The following SLC13A1 variants were observed in gnomAD, a reference collection of about 807,000 sequenced individuals.
SLC13A1 encodes the protein Na(+)/sulfate cotransporter.
SLC13A1 carries 65 observed loss-of-function variants against 70.0 expected under a neutral mutation model. The observed-to-expected ratio is 0.93, with a 90% CI of 0.76 to 1.14. The LOEUF is 1.14. Ranked by LOEUF, SLC13A1 falls within the 50% of genes most tolerant of loss-of-function variation. SLC13A1 has a pLI of 0.00. For synonymous variants in SLC13A1, 275 were observed against 250.5 expected (o/e 1.10, Z -0.92); for missense variants, 726 against 717.8 (o/e 1.01, Z -0.13).
chr7:123,125,650 T>C lies in SLC13A1; in HGVS notation c.1159A>G (p.Thr387Ala). 1.2e-6 allele frequency: 2 copies of C among 1,612,982 alleles called. No homozygotes were observed. Among genetic ancestry groups the C allele is most frequent in the Middle Eastern group, 1.7e-4 (1 of 6,052 alleles). Residue 387 changes from threonine (T) to alanine (A), a missense_variant, in exon 11 of 15, where the codon ACT becomes GCT. Thr to Ala is a moderately conservative substitution (Grantham distance 58, BLOSUM62 0). Coordinates refer to ENST00000194130, the MANE Select transcript of SLC13A1 (RefSeq NM_022444.4). ...SEYPGFATDSTVALLIGLLFF... is the reference protein window; with the variant it reads ...SEYPGFATDSAVALLIGLLFF... ...AGCAGCCCTATAAGTAAAGCAACAG[T>C]TGAATCTGTAGCAAAACCAGGGTAC...
rs79320447 is a variant in SLC13A1, at chr7:123,183,689, C to T, written c.100-2588G>A. 8.4e-3 allele frequency among the ~76,000 whole-genome samples: 1,273 copies of T among 152,260 alleles called. 19 individuals carry two copies. The highest frequency in any genetic ancestry group is 0.028 in the African/African-American group (1,182 of 41,550). On this transcript the variant is annotated intron_variant, in intron 1 of 14. Coordinates refer to ENST00000194130, the MANE Select transcript of SLC13A1 (RefSeq NM_022444.4). The stretch of plus-strand genomic sequence containing the variant: ...GACATCAAGCCCTTCCCCAGACACA[C>T]TGAATCAATCAGCATTTTCAGGCTC...
At chr7:123,132,307 G>A (rs1793790895) in intron 8 of SLC13A1, among the ~76,000 whole-genome samples, 1 of 152,128 alleles carries the variant, frequency 6.6e-6, no homozygotes, top group African/African-American at 2.4e-5. Flanking sequence ...GTCAGTCCTC[G>A]TATTACTAGG....
At position 123,129,367 on chromosome 7, in the gene SLC13A1, TG is replaced by T. The variant is rs1793677615; in HGVS notation, c.1031+15del. 1 of 1,200,842 alleles carries T rather than the reference TG, an allele frequency of 8.3e-7. No individual in the cohort carries two copies. Among genetic ancestry groups the T allele is most frequent in the Non-Finnish European group, 1.2e-6 (1 of 843,866 alleles). The allele number at this position is 1,200,842 out of a possible 1,614,324, so 74.4% of individuals were successfully genotyped here. A position where few individuals can be genotyped will look rare whatever the true frequency, so the allele number is the denominator to read the frequency against. On this transcript the variant is annotated intron_variant, in intron 9 of 14. Coordinates refer to ENST00000194130, the MANE Select transcript of SLC13A1 (RefSeq NM_022444.4). ...GTGTGTGTGTGTGTGTGTGTGTGTG[TG>T]TGTGTTTGTCTTACCTTATTGGCCC...
intron 6 of SLC13A1, among the ~76,000 whole-genome samples, chr7:123,153,052 TAAAA>T (rs1175359740): frequency 6.6e-6 from 1 of 152,022 alleles, no homozygotes; most frequent in African/African-American, 2.4e-5. Context: ...TTTGCCACCT[TAAAA>T]CTTTCAAAAA....
At chr7:123,154,526 G>A (rs549551816) in intron 6 of SLC13A1, among the ~76,000 whole-genome samples, 1 of 152,068 alleles carries the variant, frequency 6.6e-6, no homozygotes, top group African/African-American at 2.4e-5. Context: ...TCCAATTATG[G>A]CTCTGTCATA....
intron 2 of SLC13A1, among the ~76,000 whole-genome samples, chr7:123,174,645 G>A (rs573370750): frequency 6.6e-6 from 1 of 152,080 alleles, no homozygotes; most frequent in Non-Finnish European, 1.5e-5. Flanking sequence ...GTGTAAATCT[G>A]ATCACATAAT....
intron 3 of SLC13A1, 53 bp from the exon 4 acceptor site, chr7:123,169,388 C>T (rs564553411): frequency 1.0e-5 from 15 of 1,489,196 alleles, no homozygotes; most frequent in East Asian, 6.8e-5. Context: ...TAACTAGCAC[C>T]GTATTATTTA....
At chr7:123,135,036 C>T (rs1305224654) in intron 7 of SLC13A1, among the ~76,000 whole-genome samples, 5 of 152,190 alleles carry the variant, frequency 3.3e-5, no homozygotes, top group Admixed American at 3.3e-4. Context: ...GGTCATCTCC[C>T]ATGGCTGTTT....
At chr7:123,143,866 G>A (rs1794248340) in intron 7 of SLC13A1, among the ~76,000 whole-genome samples, 1 of 152,116 alleles carries the variant, frequency 6.6e-6, no homozygotes, top group South Asian at 2.1e-4. Context: ...AATGTGTGCT[G>A]TGTTAAGCCA....
At chr7:123,138,284 T>C (rs984676341) in intron 7 of SLC13A1, among the ~76,000 whole-genome samples, 1 of 152,214 alleles carries the variant, frequency 6.6e-6, no homozygotes, top group African/African-American at 2.4e-5. Flanking sequence ...CCATTGTGTA[T>C]GTGTACCACA....
At chr7:123,121,050 CT>C (rs1181506088) in intron 12 of SLC13A1, among the ~76,000 whole-genome samples, 1 of 151,846 alleles carries the variant, frequency 6.6e-6, no homozygotes, top group African/African-American at 2.4e-5. Flanking sequence ...ATTTTTTTCT[CT>C]TTTTTTCTGA....
chr7:123,140,061 C>T (rs927194294), intron 7 of SLC13A1, among the ~76,000 whole-genome samples: 14 of 149,922 alleles, frequency 9.3e-5, no homozygotes, highest in Non-Finnish European at 2.1e-4. Flanking sequence ...TGTTATCTGT[C>T]GTATACAGCT....
At chr7:123,184,936 C>T (rs1248409140) in intron 1 of SLC13A1, among the ~76,000 whole-genome samples, 5 of 151,972 alleles carry the variant, frequency 3.3e-5, no homozygotes, top group Admixed American at 2.0e-4. Context: ...TACATTTCTG[C>T]AAACAGTGTT....
intron 6 of SLC13A1, among the ~76,000 whole-genome samples, chr7:123,168,122 C>A (rs898229180): frequency 6.6e-6 from 1 of 152,136 alleles, no homozygotes; most frequent in African/African-American, 2.4e-5. Context: ...GGCTAACTGC[C>A]ATTATCCTGA....
intron 1 of SLC13A1, among the ~76,000 whole-genome samples, chr7:123,198,793 C>T (rs1020949567): frequency 6.6e-5 from 10 of 152,028 alleles, no homozygotes; most frequent in Admixed American, 1.3e-4. Flanking sequence ...AGAGCATCAG[C>T]AGGGTTCTTG....
At chr7:123,129,892 G>A (rs1054039514) in intron 8 of SLC13A1, among the ~76,000 whole-genome samples, 5 of 152,050 alleles carry the variant, frequency 3.3e-5, no homozygotes, top group Non-Finnish European at 5.9e-5. Context: ...ATTCTTCCAC[G>A]CATGTAAGTT....
At chr7:123,178,426 A>T (rs1051170005) in intron 2 of SLC13A1, among the ~76,000 whole-genome samples, 2 of 152,116 alleles carry the variant, frequency 1.3e-5, no homozygotes, top group Non-Finnish European at 2.9e-5. Flanking sequence ...AAAACTCTCA[A>T]AACAAATTTT....
intron 14 of SLC13A1, among the ~76,000 whole-genome samples, chr7:123,116,395 T>A (rs1488588046): frequency 1.3e-5 from 2 of 152,208 alleles, no homozygotes; most frequent in Non-Finnish European, 2.9e-5. Context: ...ATGGCAGAGT[T>A]GAGTAGTTGT....
intron 2 of SLC13A1, among the ~76,000 whole-genome samples, chr7:123,176,659 G>A (rs17145486): frequency 2.6e-5 from 4 of 152,112 alleles, no homozygotes; most frequent in African/African-American, 9.7e-5. Flanking sequence ...AGGTTGTTTA[G>A]CTAAATCCAA....
Sources: gnomAD v4.1 joint callset for allele counts (sites outside exome capture counted in the v4.1 genomes callset) on GRCh38, gnomAD v4.1.1 for gene constraint, MANE v1.5 for transcripts, NCBI Gene and HGNC (gene_info 2026-07-23, HGNC 2026-07-21) for gene names.